Variants in TTC28 observed in about 807,000 individuals in gnomAD.
TTC28 encodes tetratricopeptide repeat protein 28.
In TTC28, 61 loss-of-function variants were observed where a neutral mutation model predicts 198.0. The ratio of observed to expected loss-of-function variants is 0.31; its 90% CI spans 0.25 to 0.38. The LOEUF is 0.38. Among genes scored for constraint, TTC28 ranks in the 10% least tolerant of loss-of-function variants. The probability of loss-of-function intolerance (pLI) is 1.00; values close to 1 mark genes in which losing one functional copy is unlikely to be tolerated. For missense variants in TTC28, 2,678 were observed against 3,164.0 expected (o/e 0.85, Z 3.69); for synonymous variants, 1,171 against 1,297.8 (o/e 0.90, Z 2.10).
intron 12 of TTC28, among the ~76,000 whole-genome samples, chr22:28,072,071 C>T (rs9620766): frequency 0.069 from 10,467 of 152,192 alleles, 407 homozygotes; most frequent in South Asian, 0.089. Context: ...CCTCTTTGAT[C>T]GTCCCAGATG....
At chr22:28,377,432 G>A (rs1310712256) in intron 2 of TTC28, among the ~76,000 whole-genome samples, 1 of 150,730 alleles carries the variant, frequency 6.6e-6, no homozygotes, top group African/African-American at 2.4e-5. Context: ...TCACTTTATA[G>A]AATTTGTGTC....
chr22:28,468,807 G>A (rs1031386485), intron 2 of TTC28, among the ~76,000 whole-genome samples: 6 of 150,538 alleles, frequency 4.0e-5, no homozygotes, highest in South Asian at 2.1e-4. Context: ...TAAGAGCTGC[G>A]ATTACAGGCA....
chr22:28,293,857 G>A (rs1229864220), intron 5 of TTC28, among the ~76,000 whole-genome samples: 1 of 152,132 alleles, frequency 6.6e-6, no homozygotes, highest in Non-Finnish European at 1.5e-5. Flanking sequence ...CATCAAGCAG[G>A]AGCATGGGCT....
intron 2 of TTC28, among the ~76,000 whole-genome samples, chr22:28,619,345 G>T (rs2050954510): frequency 1.3e-5 from 2 of 152,212 alleles, no homozygotes; most frequent in African/African-American, 4.8e-5. Flanking sequence ...GCTTAGGGAG[G>T]TATAGCAACC....
intron 13 of TTC28, chr22:28,028,896 G>A (rs1938956019): frequency 2.3e-6 from 1 of 435,398 alleles, no homozygotes; most frequent in South Asian, 1.7e-5. Flanking sequence ...CAGATGACGA[G>A]ACTGAGGCTG....
At position 28,144,427 on chromosome 22, in the gene TTC28, G is replaced by C. The variant is rs116678193; in HGVS notation, c.1441+18665C>G. Among the ~76,000 whole-genome samples, 551 of 152,300 alleles carry C rather than the reference G, an allele frequency of 3.6e-3. 3 individuals are homozygous for C. Among genetic ancestry groups the C allele is most frequent in the African/African-American group, 0.013 (534 of 41,556 alleles). Reference sequence around the variant, plus strand: ...AAGTTCTTTCAAAACTATAATTGGAGATATGAGTTTCAGAAATCTGGGTTT... The same window carrying C: ...AAGTTCTTTCAAAACTATAATTGGACATATGAGTTTCAGAAATCTGGGTTT... On this transcript the variant is annotated intron_variant, in intron 6 of 22. Transcript: ENST00000397906.
intron 6 of TTC28, among the ~76,000 whole-genome samples, chr22:28,133,692 T>C (rs1029125858): frequency 1.3e-5 from 2 of 151,944 alleles, no homozygotes. Flanking sequence ...GAGGCTTGAG[T>C]AGGTAAACAA....
chr22:27,980,351 C>T lies in TTC28; in HGVS notation c.*1870G>A, dbSNP rs992911469. 1 of 152,316 alleles carries T rather than the reference C, an allele frequency of 6.6e-6. No individual in the cohort carries two copies. The allele number at this position is 152,316 out of a possible 1,614,324, so 9.4% of individuals were successfully genotyped here. A position where few individuals can be genotyped will look rare whatever the true frequency, so the allele number is the denominator to read the frequency against. ...TTGCTGGCTTCTTTATAAAGTACTT[C>T]GCTTTCAGTGTTGGGATCAGGGCTA... On this transcript the variant is annotated 3_prime_UTR_variant, in exon 23 of 23. Coordinates refer to ENST00000397906, the MANE Select transcript of TTC28 (RefSeq NM_001145418.2).
intron 2 of TTC28, among the ~76,000 whole-genome samples, chr22:28,515,278 A>G (rs2048762795): frequency 6.6e-6 from 1 of 152,234 alleles, no homozygotes; most frequent in Non-Finnish European, 1.5e-5. Flanking sequence ...GGTGGATTCT[A>G]TGATCTTCCA....
At chr22:28,084,252 A>G (rs939313313) in intron 12 of TTC28, among the ~76,000 whole-genome samples, 1 of 152,224 alleles carries the variant, frequency 6.6e-6, no homozygotes, top group Non-Finnish European at 1.5e-5. Flanking sequence ...CTAACTGGGA[A>G]GCACACCCCA....
chr22:28,655,861 A>G (rs1484044752), intron 1 of TTC28, among the ~76,000 whole-genome samples: 1 of 116,320 alleles, frequency 8.6e-6, no homozygotes, highest in Non-Finnish European at 1.9e-5. Context: ...AAAAAAAAGA[A>G]AAAAAAAAAA....
rs1340263493 is a variant in TTC28 at position 28,105,497 on chromosome 22, G to A, written c.3089C>T (p.Thr1030Ile). 3 of 1,551,638 alleles carry A rather than the reference G, an allele frequency of 1.9e-6. No individual in the cohort carries two copies. Among genetic ancestry groups the A allele is most frequent in the Admixed American group, 3.9e-5 (2 of 51,002 alleles). ...HQLDLQIAEE[T>I]NNPTCQGRAY... The stretch of plus-strand genomic sequence containing the variant: ...TCGGCCCTGGCACGTGGGGTTGTTG[G>A]TTTCCTCTGCTATCTGTAGATCAAG... Residue 1030 changes from threonine (T) to isoleucine (I), a missense_variant, in exon 8 of 23, where the codon ACC becomes ATC. Physicochemically the swap from Thr to Ile is moderately conservative, Grantham distance 89. Around this residue, in one of 8 missense-constraint regions of TTC28, gnomAD observed 727 missense variants for 861.9 expected, o/e 0.84. Transcript: ENST00000397906.
At chr22:28,316,843 T>C (rs1442459646) in intron 2 of TTC28, among the ~76,000 whole-genome samples, 1 of 152,210 alleles carries the variant, frequency 6.6e-6, no homozygotes, top group Non-Finnish European at 1.5e-5. Context: ...CATGGCTCAC[T>C]GCAGCTTTGA....
rs563822376 is a variant in TTC28 at position 28,531,725 on chromosome 22, C to A, written c.381+97827G>T. On this transcript the variant is annotated intron_variant, in intron 2 of 22. Transcript: ENST00000397906. Reference sequence around the variant, plus strand: ...ACAAATTGTCTCTCAGACCACAGTGCAATCAAACTAGAACTCAGGATTAAG... The same window carrying A: ...ACAAATTGTCTCTCAGACCACAGTGAAATCAAACTAGAACTCAGGATTAAG... 6.6e-5 allele frequency among the ~76,000 whole-genome samples: 10 copies of A among 152,314 alleles called. No homozygotes were observed. In the South Asian group the frequency reaches 1.5e-3, roughly 22 times the overall value.
chr22:28,213,945 G>A (rs895352931), intron 5 of TTC28, among the ~76,000 whole-genome samples: 1 of 152,050 alleles, frequency 6.6e-6, no homozygotes, highest in African/African-American at 2.4e-5. Flanking sequence ...TAGACCAATG[G>A]AACAGAACAG....
At chr22:28,197,332 C>T (rs999151485) in intron 5 of TTC28, among the ~76,000 whole-genome samples, 5 of 151,508 alleles carry the variant, frequency 3.3e-5, no homozygotes, top group Non-Finnish European at 5.9e-5. Flanking sequence ...TGCTAAATGA[C>T]GAGTTACTGG....
At chr22:28,403,262 G>A (rs1050487095) in intron 2 of TTC28, among the ~76,000 whole-genome samples, 2 of 152,160 alleles carry the variant, frequency 1.3e-5, no homozygotes, top group African/African-American at 4.8e-5. Context: ...TATCTACAAG[G>A]CTGACACATG....
intron 5 of TTC28, among the ~76,000 whole-genome samples, chr22:28,213,913 T>G (rs1047936381): frequency 8.5e-5 from 13 of 152,180 alleles, no homozygotes; most frequent in Admixed American, 6.5e-4. Flanking sequence ...AACAGCACGA[T>G]ACTGGTACCA....
At chr22:28,487,465 TA>T (rs1438209720) in intron 2 of TTC28, among the ~76,000 whole-genome samples, 1 of 151,994 alleles carries the variant, frequency 6.6e-6, no homozygotes, top group Non-Finnish European at 1.5e-5. Flanking sequence ...AAATTTGTAA[TA>T]AAAACTGAGA....
Sources: gnomAD v4.1 joint callset for allele counts (sites outside exome capture counted in the v4.1 genomes callset) on GRCh38, gnomAD v4.1.1 for gene constraint, gnomAD v4.1.1 regional missense constraint, MANE v1.5 for transcripts, NCBI Gene and HGNC (gene_info 2026-07-23, HGNC 2026-07-21) for gene names.